Variants in ITPA observed in about 807,000 individuals in gnomAD.
ITPA encodes the protein inosine triphosphate pyrophosphatase.
In ITPA, 29 loss-of-function variants were observed where a neutral mutation model predicts 29.6. The observed-to-expected ratio is 0.98, with a 90% confidence interval of 0.73 to 1.34. ITPA has a LOEUF of 1.34. ITPA is among the 40% of genes most tolerant of loss of function. ITPA has a pLI of 0.00. For missense variants in ITPA, 241 were observed against 251.5 expected, an observed-to-expected ratio of 0.96 and a Z score of 0.28; for synonymous variants, 103 against 99.3, an observed-to-expected ratio of 1.04 and a Z score of -0.22.
chr20:3,206,459 G>A (rs143587211), upstream of ITPA, among the ~76,000 whole-genome samples: 2,638 of 151,424 alleles, frequency 0.017, 31 homozygotes, highest in Middle Eastern at 0.042. Flanking sequence ...CACTTTGGGA[G>A]GTCGAGGTGG....
Position 3,214,146 on chromosome 20 carries a change from A to AT in ITPA, c.263+90dup, listed in dbSNP as rs1363878154. ...GATGAGGTACCTGATACTGCAGGTC[A>AT]TTCCCTGTCTTAGCATCAACAGCCT... On this transcript the variant is annotated intron_variant, in intron 4 of 7. Coordinates refer to ENST00000380113, the MANE Select transcript of ITPA (RefSeq NM_033453.4). 7.2e-6 allele frequency: 8 copies of AT among 1,110,174 alleles called. No individual in the cohort carries two copies. The African/African-American group carries it at 1.2e-4, about 17-fold the overall frequency. 68.8% of individuals were successfully genotyped at this position (1,110,174 alleles called of 1,614,324 possible).
chr20:3,210,935 C>T (rs1362759606), intron 1 of ITPA, among the ~76,000 whole-genome samples: 1 of 151,692 alleles, frequency 6.6e-6, no homozygotes, highest in African/African-American at 2.4e-5. Flanking sequence ...CCTGTAGTCC[C>T]AGCTACTCGG....
downstream of ITPA, among the ~76,000 whole-genome samples, chr20:3,225,928 C>T (rs1446369071): frequency 6.6e-6 from 1 of 152,152 alleles, no homozygotes; most frequent in Non-Finnish European, 1.5e-5. Context: ...ATTTGGGAGG[C>T]TGGGGCATGA....
intron 7 of ITPA, among the ~76,000 whole-genome samples, chr20:3,222,539 G>C (rs1356550120): frequency 6.6e-6 from 1 of 152,156 alleles, no homozygotes; most frequent in East Asian, 1.9e-4. Flanking sequence ...ATCATTTTCT[G>C]ACCCCCATCT....
At chr20:3,225,116 A>C (rs956402084), downstream of ITPA, among the ~76,000 whole-genome samples, 1 of 152,026 alleles carries the variant, frequency 6.6e-6, no homozygotes, top group Non-Finnish European at 1.5e-5. Flanking sequence ...AGGTGGGAGG[A>C]TCCCGAGCCT....
chr20:3,217,907 T>G (rs200319206), intron 5 of ITPA, among the ~76,000 whole-genome samples: 1,313 of 126,920 alleles, frequency 0.01, 23 homozygotes, highest in East Asian at 0.027. Flanking sequence ...TTTTTGTGGG[T>G]TTTTTTTTGT....
Position 3,213,191 on chromosome 20 carries a change from A to C in ITPA, c.89A>C (p.Lys30Thr). Residue 30 changes from lysine (K) to threonine (T), a missense_variant, in exon 2 of 8, where the codon AAG (lysine) becomes ACG (threonine). Lys to Thr is a moderately conservative substitution (Grantham distance 78). Coordinates refer to ENST00000380113, the MANE Select transcript of ITPA (RefSeq NM_033453.4). ...LEEVVQILGD[K>T]FPCTLVAQKI... ...CAGGTCGTTCAGATTCTAGGAGATA[A>C]GTTTCCATGCACTTTGGTGGCACAG... 6.2e-7 allele frequency: 1 copy of C among 1,614,168 alleles called. No individual in the cohort carries two copies. The highest frequency in any genetic ancestry group is 8.5e-7 in the Non-Finnish European group (1 of 1,180,016).
upstream of ITPA, among the ~76,000 whole-genome samples, chr20:3,205,471 A>G (rs1203340795): frequency 6.6e-6 from 1 of 152,142 alleles, no homozygotes; most frequent in Non-Finnish European, 1.5e-5. Context: ...TACTTTGGGA[A>G]GTCTAGGTAG....
chr20:3,226,490 G>C (rs1020931152), downstream of ITPA, among the ~76,000 whole-genome samples: 3 of 152,120 alleles, frequency 2.0e-5, no homozygotes, highest in African/African-American at 7.2e-5. The surrounding 1 kb of genome is among the most constrained non-coding windows in gnomAD (Gnocchi z 4.4). Flanking sequence ...TCAGCACCAG[G>C]CTACCCAGTG....
intron 7 of ITPA, 122 bp downstream of exon 7, chr20:3,222,039 G>T: frequency 2.1e-6 from 2 of 946,130 alleles, no homozygotes; most frequent in East Asian, 2.6e-5. Context: ...CCAGGGTGCT[G>T]TTCCAGCCAC....
intron 7 of ITPA, among the ~76,000 whole-genome samples, chr20:3,222,141 A>G (rs1186900835): frequency 8.6e-5 from 13 of 151,872 alleles, no homozygotes; most frequent in Admixed American, 8.5e-4. Flanking sequence ...CCTGGGCTCT[A>G]AGGCTCCAGG....
chr20:3,208,568 G>A (rs1262823608), upstream of ITPA, among the ~76,000 whole-genome samples: 1 of 152,176 alleles, frequency 6.6e-6, no homozygotes, highest in East Asian at 1.9e-4. Context: ...TAGAGATGGG[G>A]TTTCTCCATG....
upstream of ITPA, among the ~76,000 whole-genome samples, chr20:3,207,461 A>C (rs2067080587): frequency 6.6e-6 from 1 of 152,142 alleles, no homozygotes; most frequent in Admixed American, 6.6e-5. Flanking sequence ...TGGGAGGCTG[A>C]GGTGGAGGGA....
downstream of ITPA, among the ~76,000 whole-genome samples, chr20:3,225,468 G>A (rs1243102742): frequency 6.6e-6 from 1 of 152,146 alleles, no homozygotes; most frequent in African/African-American, 2.4e-5. Context: ...CCTGCATAAT[G>A]AGACCTCCAT....
downstream of ITPA, among the ~76,000 whole-genome samples, chr20:3,226,896 C>A (rs1200365475): frequency 6.6e-6 from 1 of 152,160 alleles, no homozygotes; most frequent in East Asian, 1.9e-4. This position sits in a 1 kb window ranked among gnomAD's most constrained non-coding sequence, Gnocchi z 4.4. Flanking sequence ...AAACACTGCA[C>A]CTTCTCCCTC....
chr20:3,222,042 C>T, intron 7 of ITPA, 125 bp downstream of exon 7: 1 of 916,440 alleles, frequency 1.1e-6, no homozygotes, highest in Non-Finnish European at 1.7e-6. Flanking sequence ...GGGTGCTGTT[C>T]CAGCCACAGG....
At chr20:3,211,418 C>G (rs2067171027) in intron 1 of ITPA, among the ~76,000 whole-genome samples, 1 of 152,014 alleles carries the variant, frequency 6.6e-6, no homozygotes, top group African/African-American at 2.4e-5. Context: ...CACCCTCCAC[C>G]CATTTCGGCC....
At chr20:3,226,003 G>C (rs914750414), downstream of ITPA, among the ~76,000 whole-genome samples, 1 of 152,226 alleles carries the variant, frequency 6.6e-6, no homozygotes, top group Non-Finnish European at 1.5e-5. The surrounding 1 kb of genome is among the most constrained non-coding windows in gnomAD (Gnocchi z 4.4). Flanking sequence ...CACACTGAGA[G>C]TGAGACGCTG....
At chr20:3,219,153 G>A (rs2067392674) in intron 6 of ITPA, 6 of 148,908 alleles carry the variant, frequency 4.0e-5, no homozygotes, top group Admixed American at 3.3e-4. Context: ...CTATCTCTCA[G>A]CCTTTCCAGC....
Sources: gnomAD v4.1 joint callset for allele counts (sites outside exome capture counted in the v4.1 genomes callset) on GRCh38, gnomAD v4.1.1 for gene constraint, Gnocchi (gnomAD v3.1) non-coding constraint, MANE v1.5 for transcripts, NCBI Gene and HGNC (gene_info 2026-07-23, HGNC 2026-07-21) for gene names.